Variants in TRIM66 observed in about 807,000 individuals in gnomAD.
TRIM66 encodes tripartite motif-containing protein 66.
Under a neutral mutation model 148.2 loss-of-function variants are expected in TRIM66, and 99 were observed. The ratio of observed to expected loss-of-function variants is 0.67; its 90% CI spans 0.57 to 0.79. The LOEUF is 0.79. Ranked by LOEUF, TRIM66 falls within the 30% of genes least tolerant of loss-of-function variation. The probability of loss-of-function intolerance (pLI) is 0.00; values close to 1 mark genes in which losing one functional copy is unlikely to be tolerated. For synonymous variants in TRIM66, 616 were observed against 635.9 expected (o/e 0.97, Z 0.47); for missense variants, 1,666 against 1,697.9 (o/e 0.98, Z 0.33).
intron 6 of TRIM66, among the ~76,000 whole-genome samples, chr11:8,663,553 C>G (rs541734115): frequency 2.0e-5 from 3 of 152,148 alleles, no homozygotes; most frequent in East Asian, 1.9e-4. Flanking sequence ...CCTGCCCCCC[C>G]ACAAAATCTC....
intron 8 of TRIM66, 128 bp from the exon 9 acceptor site, chr11:8,648,676 TA>T (rs1397723406): frequency 1.7e-6 from 2 of 1,175,470 alleles, no homozygotes; most frequent in African/African-American, 3.1e-5. Flanking sequence ...GGAAGTGTTA[TA>T]AACAGGAGAT....
intron 22 of TRIM66, among the ~76,000 whole-genome samples, 168 bp downstream of exon 22, chr11:8,619,882 C>A (rs932022265): frequency 6.6e-6 from 1 of 152,240 alleles, no homozygotes; most frequent in Non-Finnish European, 1.5e-5. Context: ...CACGCTCCTG[C>A]CCCATGGCCT....
intron 8 of TRIM66, among the ~76,000 whole-genome samples, chr11:8,649,060 T>A (rs1341997966): frequency 6.6e-6 from 1 of 152,208 alleles, no homozygotes; most frequent in East Asian, 1.9e-4. Context: ...AGATGGTGGC[T>A]GGGCGCAGTG....
chr11:8,626,507 G>A (rs1297293224), intron 15 of TRIM66, among the ~76,000 whole-genome samples: 1 of 152,190 alleles, frequency 6.6e-6, no homozygotes, highest in African/African-American at 2.4e-5. Context: ...AGGCATCAGT[G>A]AAGCATCCCT....
chr11:8,623,366 T>C (rs1162224385), intron 17 of TRIM66, among the ~76,000 whole-genome samples: 1 of 152,182 alleles, frequency 6.6e-6, no homozygotes, highest in African/African-American at 2.4e-5. Flanking sequence ...GAGGCAGTGA[T>C]GGGGCAAAAG....
At position 8,619,429 on chromosome 11, in the gene TRIM66, A is replaced by C; in HGVS notation, c.3854T>G (p.Val1285Gly). 6.5e-7 allele frequency: 1 copy of C among 1,541,350 alleles called. No individual in the cohort carries two copies. Reference protein sequence around the residue: ...PAHYTTPEEVVSDVRLMFWNC... With the variant: ...PAHYTTPEEVGSDVRLMFWNC... ...CCAGAACATGAGGCGCACATCTGAT[A>C]CCACCTCCTCTGGGGTGGTATAGTG... Residue 1285 changes from valine to glycine, a missense_variant, in exon 23 of 25, where the codon GTA (valine) becomes GGA (glycine). This residue lies in a region of TRIM66 where 204 missense variants were observed against 231.0 expected (regional missense o/e 0.88). Transcript: ENST00000646038.
At position 8,621,127 on chromosome 11, in the gene TRIM66, A is replaced by G. The variant is rs1040525580; in HGVS notation, c.3450T>C (p.Ala1150=). Residue 1150 remains alanine (A), a synonymous_variant, in exon 20 of 25, where the codon GCT becomes GCC. Coordinates refer to ENST00000646038, the MANE Select transcript of TRIM66 (RefSeq NM_001388022.1). ...PAPIENEDFC[A]VCLNGGELLC... is the part of the protein sequence containing the mutation. ...GTAACTCTCCGCCATTGAGGCAAAC[A>G]GCACAGAAGTCCTCATTCTCTATTG... The G allele has an allele frequency of 6.4e-7, 1 of 1,551,716 alleles. No homozygotes were observed. Among genetic ancestry groups the G allele is most frequent in the Non-Finnish European group, 8.7e-7 (1 of 1,146,986 alleles).
chr11:8,613,556 A>T lies in TRIM66; in HGVS notation c.*4388T>A, dbSNP rs899260902. ...AAGGAAAATGTGTAAGGGGTAACAG[A>T]CTCTGAGAAATGCTGTTTTAATCTT... is the stretch of plus-strand genomic sequence containing the variant. On this transcript the variant is annotated 3_prime_UTR_variant, in exon 25 of 25. Transcript: ENST00000646038. 1 of 152,140 alleles carries T rather than the reference A, an allele frequency of 6.6e-6. No individual in the cohort carries two copies. The highest frequency in any genetic ancestry group is 1.5e-5 in the Non-Finnish European group (1 of 68,042). The allele number at this position is 152,140 out of a possible 1,614,324, so 9.4% of individuals were successfully genotyped here. A position where few individuals can be genotyped will look rare whatever the true frequency, so the allele number is the denominator to read the frequency against.
chr11:8,659,233 G>A (rs1450860534), intron 6 of TRIM66, among the ~76,000 whole-genome samples: 1 of 152,082 alleles, frequency 6.6e-6, no homozygotes, highest in Non-Finnish European at 1.5e-5. Context: ...TCAGGAGCTT[G>A]ACCTTCATCC....
rs1365441843 is a variant in TRIM66, at chr11:8,672,259, AAG to A, written c.14_15del (p.Ser5PhefsTer18). The A allele has an allele frequency of 5.3e-5, 82 of 1,536,004 alleles. No individual in the cohort carries two copies. Among genetic ancestry groups the A allele is most frequent in the Non-Finnish European group, 6.4e-5 (73 of 1,146,918 alleles). ...CCTCAGTTCCTCACCTGGGACCAAA[AAG>A]AGAGTCTAGCCATCTCTGCCGTGGA... Reference protein sequence around the residue: MARLSFWSQGVELAR... With the variant: MARLXFWSQGVELAR... On this transcript the variant is annotated frameshift_variant, in exon 5 of 25. Transcript: ENST00000646038. LOFTEE classifies it high-confidence loss of function.
At chr11:8,672,455 C>T in intron 4 of TRIM66, 70 bp from the exon 5 acceptor site, 1 of 1,411,434 alleles carries the variant, frequency 7.1e-7, no homozygotes, top group Non-Finnish European at 9.3e-7. Flanking sequence ...ACTTTACATA[C>T]TGTATTTCAA....
Position 8,624,782 on chromosome 11 carries a change from A to C in TRIM66, c.2757T>G (p.Ser919=), listed in dbSNP as rs200696402. 3.8e-4 allele frequency: 594 copies of C among 1,550,970 alleles called. 11 individuals are homozygous for C. The South Asian group carries it at 6.8e-3, about 18-fold the overall frequency. ...GACACAGGCTCCCTGAAGTTCGGCCAGAACTGGAGCTGGACCCAGTTTCTG... is the reference window on the plus strand; with the variant it reads ...GACACAGGCTCCCTGAAGTTCGGCCCGAACTGGAGCTGGACCCAGTTTCTG... The part of the protein sequence containing the change: ...MQPETGSSSS[S]GRTSGSLCPR... The change falls in exon 16 of 25, where the codon TCT becomes TCG. Residue 919 remains serine (S), a synonymous_variant. Transcript: ENST00000646038.
chr11:8,638,327 T>C (rs1592086304), intron 15 of TRIM66, among the ~76,000 whole-genome samples: 1 of 152,158 alleles, frequency 6.6e-6, no homozygotes, highest in South Asian at 2.1e-4. Context: ...ATGTTGGAGG[T>C]GAGGTGAGAT....
chr11:8,638,114 T>C (rs896816894), intron 15 of TRIM66, among the ~76,000 whole-genome samples: 4 of 152,194 alleles, frequency 2.6e-5, no homozygotes, highest in South Asian at 4.1e-4. Flanking sequence ...ACAAATTCCA[T>C]TGATTCAAAT....
intron 15 of TRIM66, among the ~76,000 whole-genome samples, chr11:8,626,721 C>T (rs1446231312): frequency 2.0e-5 from 3 of 152,182 alleles, no homozygotes; most frequent in Non-Finnish European, 2.9e-5. Flanking sequence ...CATAAAACCC[C>T]GCAGTGCGCT....
At chr11:8,653,882 T>A (rs1460666069) in intron 6 of TRIM66, among the ~76,000 whole-genome samples, 1 of 148,020 alleles carries the variant, frequency 6.8e-6, no homozygotes, top group Non-Finnish European at 1.5e-5. Context: ...ATGTCCTGCA[T>A]ATTCTCCTGC....
Position 8,643,022 on chromosome 11 carries a change from C to G in TRIM66, c.1209G>C (p.Gln403His). 1 of 1,550,378 alleles carries G rather than the reference C, an allele frequency of 6.5e-7. No homozygotes were observed. Among genetic ancestry groups the G allele is most frequent in the South Asian group, 1.2e-5 (1 of 83,832 alleles). ...FTWEPNFWTK[Q>H]LASLGCITTE... ...GTCCAAGCTCACCAAGAGAAGCTAG[C>G]TGCTTGGTCCAGAAGTTAGGCTCCC... is the stretch of plus-strand genomic sequence containing the variant. Residue 403 changes from glutamine (Q) to histidine (H), a missense_variant, in exon 13 of 25, where the codon CAG becomes CAC. Physicochemically the swap from Gln to His is conservative, Grantham distance 24. Transcript: ENST00000646038.
At chr11:8,642,843 CAAAAAAA>C (rs60432547) in intron 13 of TRIM66, among the ~76,000 whole-genome samples, 159 bp downstream of exon 13, 1 of 73,232 alleles carries the variant, frequency 1.4e-5, no homozygotes, top group Non-Finnish European at 2.4e-5. Context: ...TCTTCCCCCT[CAAAAAAA>C]AAAAAAAAAA....
chr11:8,616,513 TC>T lies in TRIM66; in HGVS notation c.*1430del, dbSNP rs1315107145. 1 of 152,208 alleles carries T rather than the reference TC, an allele frequency of 6.6e-6. No homozygotes were observed. Among genetic ancestry groups the T allele is most frequent in the Admixed American group, 6.5e-5 (1 of 15,282 alleles). The allele number at this position is 152,208 out of a possible 1,614,324, so 9.4% of individuals were successfully genotyped here. A position where few individuals can be genotyped will look rare whatever the true frequency, so the allele number is the denominator to read the frequency against. ...TCCCCCAACAATATGAGCAATGGGT[TC>T]CTTCTCAACCAAGCCCTTGCTTGGG... is the stretch of plus-strand genomic sequence containing the variant. On this transcript the variant is annotated 3_prime_UTR_variant, in exon 25 of 25. Coordinates refer to ENST00000646038, the MANE Select transcript of TRIM66 (RefSeq NM_001388022.1).
Sources: allele counts gnomAD v4.1 joint callset (sites outside exome capture counted in the v4.1 genomes callset), GRCh38; gene constraint gnomAD v4.1.1; regional missense constraint gnomAD v4.1.1; transcripts MANE v1.5; gene names NCBI Gene and HGNC (gene_info 2026-07-23, HGNC 2026-07-21).